The following PNOC variants were observed in gnomAD, a reference collection of about 807,000 sequenced individuals.
PNOC encodes prepronociceptin.
PNOC carries 10 observed loss-of-function variants against 15.6 expected under a neutral mutation model. The observed-to-expected ratio is 0.64, with a 90% CI of 0.40 to 1.09. The LOEUF (loss-of-function observed/expected upper bound fraction) is 1.09, where lower values mean the gene tolerates loss of function less well. PNOC is among the 50% of genes least tolerant of loss of function. PNOC has a pLI of 0.01. For missense variants in PNOC, 220 were observed against 223.9 expected, an observed-to-expected ratio of 0.98 and a Z score of 0.11; for synonymous variants, 98 against 88.5, an observed-to-expected ratio of 1.11 and a Z score of -0.60.
chr8:28,338,731 G>A (rs1266389212), intron 2 of PNOC: 2 of 1,084,280 alleles, frequency 1.8e-6, no homozygotes, highest in Admixed American at 4.8e-5. Context: ...ACAAGGTGCG[G>A]TGTTGGGCGC....
chr8:28,338,603 T>C, intron 2 of PNOC: 1 of 990,310 alleles, frequency 1.0e-6, no homozygotes, highest in Non-Finnish European at 1.2e-6. Flanking sequence ...TACTTTCACA[T>C]CCCCAATTTC....
At chr8:28,335,085 G>C (rs770871978) in intron 2 of PNOC, among the ~76,000 whole-genome samples, 6 of 152,206 alleles carry the variant, frequency 3.9e-5, no homozygotes, top group Non-Finnish European at 8.8e-5. Context: ...ACTTGGACAG[G>C]TTGCTTCTTG....
rs146310945 is a variant in PNOC, at chr8:28,322,160, G to A, written c.-24+4844G>A. ...CCCAGCACCTTAGGGAGGCTGAGGCGGGAGGATCATTCGAGGTCAGGAGTT... is the reference window on the plus strand; with the variant it reads ...CCCAGCACCTTAGGGAGGCTGAGGCAGGAGGATCATTCGAGGTCAGGAGTT... On this transcript the variant is annotated intron_variant, in intron 1 of 3. Transcript: ENST00000301908. Among the ~76,000 whole-genome samples the A allele has an allele frequency of 3.4e-3, 516 of 152,214 alleles. 2 individuals carry two copies. The highest frequency in any genetic ancestry group is 0.011 in the African/African-American group (454 of 41,532).
At chr8:28,335,810 T>C (rs1323956606) in intron 2 of PNOC, among the ~76,000 whole-genome samples, 1 of 152,104 alleles carries the variant, frequency 6.6e-6, no homozygotes, top group Non-Finnish European at 1.5e-5. Flanking sequence ...ATTATAGGCA[T>C]GAGCCACTGC....
chr8:28,334,857 C>T (rs748995746), intron 2 of PNOC, among the ~76,000 whole-genome samples: 2 of 152,146 alleles, frequency 1.3e-5, no homozygotes, highest in Non-Finnish European at 2.9e-5. Context: ...GGCAGCCCTC[C>T]CTATCTATGG....
intron 1 of PNOC, among the ~76,000 whole-genome samples, chr8:28,325,294 G>A (rs1291322018): frequency 2.0e-5 from 3 of 152,116 alleles, no homozygotes; most frequent in African/African-American, 7.2e-5. Context: ...GATGCTAGAG[G>A]TGTGTGTGAA....
chr8:28,342,332 C>T (rs776573967), intron 3 of PNOC, among the ~76,000 whole-genome samples: 1 of 103,342 alleles, frequency 9.7e-6, no homozygotes, highest in Non-Finnish European at 1.8e-5. Context: ...CCAGCCTGGG[C>T]AACAAGAAAG....
At chr8:28,326,447 G>A (rs1270461844) in intron 1 of PNOC, among the ~76,000 whole-genome samples, 2 of 152,170 alleles carry the variant, frequency 1.3e-5, no homozygotes, top group Admixed American at 1.3e-4. Context: ...TGACGCACAA[G>A]AAGAACTGGG....
intron 2 of PNOC, among the ~76,000 whole-genome samples, chr8:28,330,412 T>TTTTTTTTTTTTTTTTTG (rs1382350131): frequency 7.0e-6 from 1 of 143,594 alleles, no homozygotes; most frequent in African/African-American, 2.5e-5. Flanking sequence ...TTTTTTTTTT[T>TTTTTTTTTTTTTTTTTG]GAGACGGAGT....
At chr8:28,336,362 AG>A (rs1430094896) in intron 2 of PNOC, among the ~76,000 whole-genome samples, 3 of 152,254 alleles carry the variant, frequency 2.0e-5, no homozygotes, top group Admixed American at 6.5e-5. Flanking sequence ...AGACAGAGGC[AG>A]GAGAGAGTGA....
chr8:28,341,907 C>A (rs1028036835), intron 3 of PNOC, among the ~76,000 whole-genome samples: 1 of 152,324 alleles, frequency 6.6e-6, no homozygotes, highest in African/African-American at 2.4e-5. Flanking sequence ...CACACCCCAA[C>A]CTGCCCTACA....
At chr8:28,325,255 G>C (rs1050555940) in intron 1 of PNOC, among the ~76,000 whole-genome samples, 3 of 150,868 alleles carry the variant, frequency 2.0e-5, no homozygotes, top group Non-Finnish European at 4.5e-5. Flanking sequence ...ACTCAGACCA[G>C]GGGGTGGACA....
intron 2 of PNOC, among the ~76,000 whole-genome samples, chr8:28,332,743 C>G (rs351773): frequency 0.33 from 49,735 of 151,994 alleles, 9,992 homozygotes; most frequent in Non-Finnish European, 0.46. Flanking sequence ...TTGAGGCCAG[C>G]AGTTCTAGAC....
chr8:28,329,940 T>C (rs925003789), intron 2 of PNOC, among the ~76,000 whole-genome samples: 4 of 152,126 alleles, frequency 2.6e-5, no homozygotes, highest in Non-Finnish European at 2.9e-5. Flanking sequence ...TTGATCATTT[T>C]TATTTTTATT....
chr8:28,318,075 C>T (rs1236062289), intron 1 of PNOC, among the ~76,000 whole-genome samples: 4 of 152,060 alleles, frequency 2.6e-5, no homozygotes, highest in African/African-American at 7.2e-5. Flanking sequence ...AGGTCTTTGC[C>T]CAGGTCATGC....
intron 1 of PNOC, among the ~76,000 whole-genome samples, chr8:28,322,662 A>T (rs1801169215): frequency 6.6e-6 from 1 of 152,256 alleles, no homozygotes; most frequent in Non-Finnish European, 1.5e-5. Context: ...CTCTAAAGTC[A>T]TAGCAATATG....
At position 28,337,749 on chromosome 8, in the gene PNOC, A is replaced by ATT. The variant is rs34374836; in HGVS notation, c.127-1277_127-1276dup. On this transcript the variant is annotated intron_variant, in intron 2 of 3. Coordinates refer to ENST00000301908, the MANE Select transcript of PNOC (RefSeq NM_006228.5). ...AGGCGCCCGCCACCACGCCCAGCTAATTTTTTTTTTTTTTTGTATTTTTAG... is the reference window on the plus strand; with the variant it reads ...AGGCGCCCGCCACCACGCCCAGCTAATTTTTTTTTTTTTTTTTGTATTTTTAG... 5.0e-3 allele frequency among the ~76,000 whole-genome samples: 706 copies of ATT among 139,990 alleles called. 3 individuals carry two copies. The highest frequency in any genetic ancestry group is 0.018 in the Middle Eastern group (5 of 272). The allele number at this position is 139,990 out of a possible 152,430, so 91.8% of individuals were successfully genotyped here. A position where few individuals can be genotyped will look rare whatever the true frequency, so the allele number is the denominator to read the frequency against.
At chr8:28,323,271 A>T (rs1801175977) in intron 1 of PNOC, among the ~76,000 whole-genome samples, 1 of 152,244 alleles carries the variant, frequency 6.6e-6, no homozygotes. Context: ...AAGAAAAGGC[A>T]ATTCAACATT....
chr8:28,328,523 G>A (rs551851367), intron 1 of PNOC, among the ~76,000 whole-genome samples: 4 of 152,188 alleles, frequency 2.6e-5, no homozygotes, highest in African/African-American at 9.7e-5. Flanking sequence ...CGGGGTATGG[G>A]GGGTTGGGGG....
Sources: allele counts gnomAD v4.1 joint callset (sites outside exome capture counted in the v4.1 genomes callset), GRCh38; gene constraint gnomAD v4.1.1; transcripts MANE v1.5; gene names NCBI Gene and HGNC (gene_info 2026-07-23, HGNC 2026-07-21).